Variants in NFIA observed in about 807,000 individuals in gnomAD.
The protein encoded by NFIA is nuclear factor I A.
In NFIA, 8 loss-of-function variants were observed where a neutral mutation model predicts 62.8. That is an observed-to-expected ratio of 0.13 (90% confidence interval 0.07 to 0.23). The LOEUF (loss-of-function observed/expected upper bound fraction) is 0.23, where lower values mean the gene tolerates loss of function less well. NFIA is among the 10% of genes least tolerant of loss of function. NFIA has a pLI of 1.00. For missense variants in NFIA, 410 were observed against 642.1 expected, an observed-to-expected ratio of 0.64 and a Z score of 3.91; for synonymous variants, 235 against 238.1, an observed-to-expected ratio of 0.99 and a Z score of 0.12.
At chr1:61,221,566 T>C (rs1371634043) in intron 2 of NFIA, among the ~76,000 whole-genome samples, 1 of 152,098 alleles carries the variant, frequency 6.6e-6, no homozygotes, top group Non-Finnish European at 1.5e-5. Flanking sequence ...GAAATCCAAA[T>C]CGTTGATAGT....
chr1:61,126,781 T>C lies in NFIA; in HGVS notation c.559+38101T>C, dbSNP rs898506980. ...TCAGTAACTATTGTCAGATTCCTTT[T>C]TTTTTTTTTTTTTTTTTTTTGAAGA... is the stretch of plus-strand genomic sequence containing the variant. On this transcript the variant is annotated intron_variant, in intron 2 of 10. Transcript: ENST00000403491. Among the ~76,000 whole-genome samples the C allele has an allele frequency of 2.6e-3, 28 of 10,944 alleles. No individual in the cohort carries two copies. In the East Asian group the frequency reaches 0.031, roughly 12 times the overall value. The allele number at this position is 10,944 out of a possible 152,430, so 7.2% of individuals were successfully genotyped here. A position where few individuals can be genotyped will look rare whatever the true frequency, so the allele number is the denominator to read the frequency against.
rs933301016 is a variant in NFIA at position 61,362,577 on chromosome 1, A to G, written c.946+3303A>G. On this transcript the variant is annotated intron_variant, in intron 6 of 10. Transcript: ENST00000403491. ...GGAAAGTAAAACAAACCAGACATGCAGTAAATTACATGGGCTATTTCAAAT... is the reference window on the plus strand; with the variant it reads ...GGAAAGTAAAACAAACCAGACATGCGGTAAATTACATGGGCTATTTCAAAT... 2.0e-5 allele frequency among the ~76,000 whole-genome samples: 3 copies of G among 152,254 alleles called. No homozygotes were observed. In the East Asian group the frequency reaches 5.8e-4, roughly 29 times the overall value.
At chr1:61,154,869 A>C (rs1451654562) in intron 2 of NFIA, among the ~76,000 whole-genome samples, 1 of 152,262 alleles carries the variant, frequency 6.6e-6, no homozygotes, top group African/African-American at 2.4e-5. Flanking sequence ...CATCACACAA[A>C]AATAAAGGGC....
chr1:61,117,695 G>A (rs934118799), intron 2 of NFIA, among the ~76,000 whole-genome samples: 1 of 152,114 alleles, frequency 6.6e-6, no homozygotes, highest in Non-Finnish European at 1.5e-5. Context: ...ATAATTTGGT[G>A]TCCTGACAGA....
intron 10 of NFIA, among the ~76,000 whole-genome samples, chr1:61,428,446 TTTCTTACCATAG>T (rs1007249006): frequency 1.3e-5 from 2 of 151,752 alleles, no homozygotes; most frequent in African/African-American, 4.8e-5. Flanking sequence ...AGCTTAAATG[TTTCTTACCATAG>T]TGACACCTGC....
intron 2 of NFIA, among the ~76,000 whole-genome samples, chr1:61,133,491 C>T (rs1647119273): frequency 6.6e-6 from 1 of 151,982 alleles, no homozygotes; most frequent in South Asian, 2.1e-4. Flanking sequence ...CTTTGTTTTC[C>T]CAGTGTCTAG....
At chr1:61,373,625 A>T (rs1664011515) in intron 6 of NFIA, among the ~76,000 whole-genome samples, 1 of 152,130 alleles carries the variant, frequency 6.6e-6, no homozygotes, top group South Asian at 2.1e-4. Flanking sequence ...AGTAAATACT[A>T]AAGTTCACAT....
intron 2 of NFIA, among the ~76,000 whole-genome samples, chr1:61,156,405 C>G (rs1262267838): frequency 1.3e-5 from 2 of 152,158 alleles, no homozygotes; most frequent in African/African-American, 4.8e-5. Context: ...AGACGTAGCA[C>G]TGGGCATTAC....
intron 4 of NFIA, among the ~76,000 whole-genome samples, chr1:61,341,157 G>A (rs900193504): frequency 1.4e-5 from 2 of 147,352 alleles, no homozygotes; most frequent in African/African-American, 5.1e-5. Context: ...TCCACCTTCC[G>A]GGTTCACACC....
chr1:61,187,800 T>A (rs776644726), intron 2 of NFIA, among the ~76,000 whole-genome samples: 2 of 152,242 alleles, frequency 1.3e-5, no homozygotes, highest in Admixed American at 6.5e-5. Flanking sequence ...CTGTCCCTGC[T>A]GAAAACCAGG....
chr1:61,106,093 T>C (rs1425280373), intron 2 of NFIA, among the ~76,000 whole-genome samples: 18 of 133,798 alleles, frequency 1.3e-4, no homozygotes, highest in Non-Finnish European at 9.4e-5. Context: ...TCTCTCTCTC[T>C]CTCATGCATC....
At chr1:61,338,786 A>G (rs1400980622) in intron 4 of NFIA, among the ~76,000 whole-genome samples, 3 of 152,252 alleles carry the variant, frequency 2.0e-5, no homozygotes, top group African/African-American at 7.2e-5. Context: ...CCATTTAAAC[A>G]TTCGCAGTAC....
intron 2 of NFIA, among the ~76,000 whole-genome samples, chr1:61,177,653 T>TTTGTGTGTGTG (rs369478678): frequency 2.7e-5 from 4 of 146,162 alleles, no homozygotes; most frequent in Non-Finnish European, 4.5e-5. Flanking sequence ...GTTTTCTCTA[T>TTTGTGTGTGTG]TGTGTGTGTG....
At chr1:61,079,542 C>T (rs149755675), upstream of NFIA, among the ~76,000 whole-genome samples, 933 of 152,282 alleles carry the variant, frequency 6.1e-3, 6 homozygotes, top group Non-Finnish European at 9.9e-3. Context: ...CTCCTTTGCG[C>T]AGAGACAATC....
chr1:61,247,597 G>A (rs920344720), intron 2 of NFIA, among the ~76,000 whole-genome samples: 13 of 152,156 alleles, frequency 8.5e-5, no homozygotes, highest in Admixed American at 6.5e-5. Flanking sequence ...TAATGGGTGG[G>A]GGAAGAAAGT....
At chr1:61,282,132 A>C (rs1403461301) in intron 3 of NFIA, among the ~76,000 whole-genome samples, 1 of 152,212 alleles carries the variant, frequency 6.6e-6, no homozygotes, top group Non-Finnish European at 1.5e-5. Flanking sequence ...CTAGGTACTA[A>C]TGGGAATAGG....
At chr1:61,087,710 G>T (rs1292349042) in intron 1 of NFIA, among the ~76,000 whole-genome samples, 3 of 152,102 alleles carry the variant, frequency 2.0e-5, no homozygotes, top group African/African-American at 7.2e-5. Context: ...AAATGTTTAG[G>T]ATTTGCCAAT....
intron 2 of NFIA, among the ~76,000 whole-genome samples, chr1:61,112,465 A>G (rs1646712218): frequency 6.6e-6 from 1 of 152,198 alleles, no homozygotes; most frequent in Admixed American, 6.5e-5. Flanking sequence ...TTGCACACAT[A>G]AGAGTTTTAA....
chr1:61,374,520 A>G (rs1016012360), intron 6 of NFIA, among the ~76,000 whole-genome samples: 2 of 152,184 alleles, frequency 1.3e-5, no homozygotes, highest in African/African-American at 2.4e-5. Flanking sequence ...AGATTTTTAT[A>G]TGACATTTTC....
Sources: gnomAD v4.1 joint callset for allele counts (sites outside exome capture counted in the v4.1 genomes callset) on GRCh38, gnomAD v4.1.1 for gene constraint, MANE v1.5 for transcripts, NCBI Gene and HGNC (gene_info 2026-07-23, HGNC 2026-07-21) for gene names.